The following REC114 variants were observed in gnomAD, a reference collection of about 807,000 sequenced individuals.
REC114 encodes the protein REC114 meiotic recombination protein.
Under a neutral mutation model 31.3 loss-of-function variants are expected in REC114, and 27 were observed. The observed-to-expected ratio is 0.86, with a 90% CI of 0.64 to 1.19. The LOEUF (loss-of-function observed/expected upper bound fraction) is 1.19. REC114 is among the 50% of genes most tolerant of loss of function. The pLI, the probability that REC114 is intolerant of heterozygous loss-of-function variation, is 0.00. For synonymous variants in REC114, 134 were observed against 127.7 expected (o/e 1.05, Z -0.33); for missense variants, 344 against 326.9 (o/e 1.05, Z -0.40).
intron 2 of REC114, among the ~76,000 whole-genome samples, chr15:73,514,093 C>T (rs572425585): frequency 3.3e-5 from 5 of 151,984 alleles, no homozygotes; most frequent in East Asian, 1.9e-4. Flanking sequence ...TAGCAATCAG[C>T]GAGACTCCGT....
At chr15:73,502,435 A>G (rs1381042009) in intron 2 of REC114, among the ~76,000 whole-genome samples, 1 of 152,194 alleles carries the variant, frequency 6.6e-6, no homozygotes, top group Non-Finnish European at 1.5e-5. Flanking sequence ...CTGCCTTACC[A>G]GTAAAATAAT....
chr15:73,448,521 G>A (rs1158173912), intron 1 of REC114, among the ~76,000 whole-genome samples: 12 of 152,152 alleles, frequency 7.9e-5, no homozygotes, highest in Admixed American at 3.3e-4. Flanking sequence ...GATAAAACCC[G>A]CATCTCCCTG....
chr15:73,552,628 C>T (rs1275603690), intron 4 of REC114, among the ~76,000 whole-genome samples: 1 of 152,180 alleles, frequency 6.6e-6, no homozygotes, highest in Non-Finnish European at 1.5e-5. Flanking sequence ...AATATGTGTT[C>T]TGCATTTCTT....
In REC114 at chr15:73,550,924, G is replaced by T. The variant is rs1894379138; in HGVS notation, c.334-14G>T. ...ATGAGGGTCTCTCATGATAACTTTT[G>T]ATTTGTCAAACAGGACAAGAGTCGC... is the stretch of plus-strand genomic sequence containing the variant. On this transcript the variant is annotated splice_polypyrimidine_tract_variant and intron_variant, in intron 3 of 5. Coordinates refer to ENST00000331090, the MANE Select transcript of REC114 (RefSeq NM_001042367.2). 5.0e-6 allele frequency: 8 copies of T among 1,613,068 alleles called. No individual in the cohort carries two copies. The highest frequency in any genetic ancestry group is 3.3e-4 in the Middle Eastern group (2 of 6,052).
At chr15:73,456,866 C>T (rs577579642) in intron 1 of REC114, among the ~76,000 whole-genome samples, 1 of 152,012 alleles carries the variant, frequency 6.6e-6, no homozygotes, top group Non-Finnish European at 1.5e-5. Flanking sequence ...TGTAGCAATT[C>T]AATTATGTGG....
intron 2 of REC114, among the ~76,000 whole-genome samples, chr15:73,508,550 C>T (rs992561013): frequency 2.0e-5 from 3 of 147,584 alleles, no homozygotes; most frequent in African/African-American, 7.5e-5. Flanking sequence ...CCCACTAACT[C>T]GTCATCTAGC....
intron 1 of REC114, among the ~76,000 whole-genome samples, chr15:73,454,106 TTAAAG>T (rs1156303749): frequency 6.6e-5 from 10 of 152,074 alleles, no homozygotes; most frequent in African/African-American, 2.2e-4. Context: ...ACCCCAGAAC[TTAAAG>T]TATAATAAAG....
At chr15:73,505,626 G>T (rs961776868) in intron 2 of REC114, among the ~76,000 whole-genome samples, 3 of 152,048 alleles carry the variant, frequency 2.0e-5, no homozygotes, top group African/African-American at 7.2e-5. Flanking sequence ...CTGCCTCCTG[G>T]GTTCACGCCA....
chr15:73,551,002 G>A lies in REC114; in HGVS notation c.398G>A (p.Cys133Tyr), dbSNP rs750349868. The A allele has an allele frequency of 6.2e-7, 1 of 1,613,882 alleles. No homozygotes were observed. Among genetic ancestry groups the A allele is most frequent in the East Asian group, 2.2e-5 (1 of 44,876 alleles). Residue 133 changes from cysteine (C) to tyrosine (Y), a missense_variant, in exon 4 of 6, where the codon TGC becomes TAC. Coordinates refer to ENST00000331090, the MANE Select transcript of REC114 (RefSeq NM_001042367.2). The part of the protein sequence containing the change: ...GESKEQALEH[C>Y]CSCVQKLAQY... The stretch of plus-strand genomic sequence containing the variant: ...TCAAAGGAGCAGGCGCTGGAACACT[G>A]CTGCAGTTGTGTTCAGAAGCTGGCA...
At chr15:73,545,069 A>C (rs1482841716) in intron 3 of REC114, among the ~76,000 whole-genome samples, 2 of 152,216 alleles carry the variant, frequency 1.3e-5, no homozygotes, top group Non-Finnish European at 2.9e-5. Flanking sequence ...GTGAGCCAGC[A>C]CTTAGTAGGC....
intron 1 of REC114, among the ~76,000 whole-genome samples, chr15:73,444,224 A>G (rs1175778034): frequency 6.6e-6 from 1 of 152,176 alleles, no homozygotes; most frequent in Admixed American, 6.5e-5. Context: ...AAATAAGACA[A>G]CAATGCAGTT....
At chr15:73,449,816 A>G (rs992415866) in intron 1 of REC114, among the ~76,000 whole-genome samples, 13 of 152,208 alleles carry the variant, frequency 8.5e-5, no homozygotes, top group Non-Finnish European at 1.5e-5. Flanking sequence ...GAACCCCTAC[A>G]ATCCAGAAGA....
At chr15:73,453,013 C>G (rs1291797673) in intron 1 of REC114, among the ~76,000 whole-genome samples, 2 of 152,076 alleles carry the variant, frequency 1.3e-5, no homozygotes, top group Admixed American at 1.3e-4. Flanking sequence ...AATATAAGAC[C>G]TAAAACGATG....
Position 73,555,015 on chromosome 15 carries a change from CTTTGGCCA to C in REC114, c.547-1283_547-1276del, listed in dbSNP as rs753436627. Among the ~76,000 whole-genome samples the C allele has an allele frequency of 2.8e-4, 42 of 152,278 alleles. 1 individual carries two copies. Among genetic ancestry groups the C allele is most frequent in the African/African-American group, 4.3e-4 (18 of 41,546 alleles). ...CTATTGATTATAGAGTCCTTTGGCC[CTTTGGCCA>C]TTTTGCTCGTTTTTTGTTTTCTTGT... On this transcript the variant is annotated intron_variant, in intron 4 of 5. Coordinates refer to ENST00000331090, the MANE Select transcript of REC114 (RefSeq NM_001042367.2).
At chr15:73,556,143 C>G (rs1358742262) in intron 4 of REC114, among the ~76,000 whole-genome samples, 159 bp from the exon 5 acceptor site, 1 of 152,210 alleles carries the variant, frequency 6.6e-6, no homozygotes, top group Admixed American at 6.5e-5. Flanking sequence ...AAGTAACCCT[C>G]CGTTTAAACC....
chr15:73,510,242 TTGTC>T (rs1446603490), intron 2 of REC114, among the ~76,000 whole-genome samples: 7 of 152,052 alleles, frequency 4.6e-5, no homozygotes, highest in Non-Finnish European at 8.8e-5. Flanking sequence ...AGCTCTCTGT[TTGTC>T]TGTTGTTGGT....
At chr15:73,559,690 T>C in intron 5 of REC114, 62 bp from the exon 6 acceptor site, 1 of 1,428,516 alleles carries the variant, frequency 7.0e-7, no homozygotes, top group South Asian at 1.6e-5. Context: ...TTTGCCTGTG[T>C]TCTATTAGCC....
intron 2 of REC114, among the ~76,000 whole-genome samples, chr15:73,513,788 G>A (rs1188838123): frequency 2.0e-5 from 3 of 151,422 alleles, no homozygotes; most frequent in East Asian, 2.0e-4. Flanking sequence ...CACTTGAGGA[G>A]GCAGTCTGCC....
intron 2 of REC114, among the ~76,000 whole-genome samples, chr15:73,478,669 T>G (rs536574110): frequency 6.6e-6 from 1 of 152,244 alleles, no homozygotes; most frequent in African/African-American, 2.4e-5. Flanking sequence ...TTGAGAAGAA[T>G]TGATTTCTTT....
Sources: allele counts gnomAD v4.1 joint callset (sites outside exome capture counted in the v4.1 genomes callset), GRCh38; gene constraint gnomAD v4.1.1; transcripts MANE v1.5; gene names NCBI Gene and HGNC (gene_info 2026-07-23, HGNC 2026-07-21).